CNNM2: variants seen among roughly 807,000 people sequenced by gnomAD.
CNNM2 encodes metal transporter CNNM2.
In CNNM2, 12 loss-of-function variants were observed where a neutral mutation model predicts 66.9. The observed-to-expected ratio is 0.18, with a 90% CI of 0.11 to 0.29. The LOEUF (loss-of-function observed/expected upper bound fraction) is 0.29, where lower values mean the gene tolerates loss of function less well. Among genes scored for constraint, CNNM2 ranks in the 10% least tolerant of loss-of-function variants. The probability of loss-of-function intolerance (pLI) is 1.00; values close to 1 mark genes in which losing one functional copy is unlikely to be tolerated. For synonymous variants in CNNM2, 557 were observed against 501.8 expected, an observed-to-expected ratio of 1.11 and a Z score of -1.47; for missense variants, 705 against 1,167.7, an observed-to-expected ratio of 0.60 and a Z score of 5.77.
intron 1 of CNNM2, among the ~76,000 whole-genome samples, chr10:103,035,754 T>C (rs987014418): frequency 2.6e-5 from 4 of 152,192 alleles, no homozygotes; most frequent in African/African-American, 9.7e-5. Context: ...ATTGTTTGTT[T>C]ATTGCCTGGA....
intron 1 of CNNM2, among the ~76,000 whole-genome samples, chr10:103,038,188 G>A (rs1383143374): frequency 1.3e-5 from 2 of 152,116 alleles, no homozygotes; most frequent in Non-Finnish European, 2.9e-5. Flanking sequence ...AAATGTTGAT[G>A]TCCTTGAGGG....
intron 1 of CNNM2, among the ~76,000 whole-genome samples, chr10:103,016,106 C>T (rs2064442206): frequency 6.6e-6 from 1 of 152,068 alleles, no homozygotes; most frequent in Admixed American, 6.5e-5. Flanking sequence ...CAAGATCTAG[C>T]CCCATCTAGA....
chr10:103,077,922 A>G lies in CNNM2; in HGVS notation c.*742A>G, dbSNP rs997352939. 2.0e-5 allele frequency: 3 copies of G among 152,690 alleles called. No homozygotes were observed. The highest frequency in any genetic ancestry group is 7.2e-5 in the African/African-American group (3 of 41,470). The allele number at this position is 152,690 out of a possible 1,614,324, so 9.5% of individuals were successfully genotyped here. On this transcript the variant is annotated 3_prime_UTR_variant, in exon 8 of 8. Coordinates refer to ENST00000369878, the MANE Select transcript of CNNM2 (RefSeq NM_017649.5). ...CCACCCTAAGGAATTTTTATCACCA[A>G]AATGAATGTTAATGAATTTAAAACC...
chr10:103,038,433 C>CT (rs1221305446), intron 1 of CNNM2, among the ~76,000 whole-genome samples: 1 of 152,156 alleles, frequency 6.6e-6, no homozygotes, highest in Non-Finnish European at 1.5e-5. Context: ...TGGTTTTAAA[C>CT]AAAGTCTTTT....
chr10:102,927,406 TC>T, intron 1 of CNNM2: 1 of 1,613,508 alleles, frequency 6.2e-7, no homozygotes, highest in Non-Finnish European at 8.5e-7. Context: ...TAAGAAGCAT[TC>T]TTTCTTTCAA....
chr10:103,065,488 T>C (rs534512669), intron 4 of CNNM2, among the ~76,000 whole-genome samples: 1 of 152,222 alleles, frequency 6.6e-6, no homozygotes, highest in Non-Finnish European at 1.5e-5. Flanking sequence ...GAAAAAAAGA[T>C]GTACAGTTTT....
chr10:103,068,860 T>C (rs1013637470), intron 5 of CNNM2, 138 bp downstream of exon 5: 3 of 638,412 alleles, frequency 4.7e-6, no homozygotes, highest in Non-Finnish European at 8.2e-6. Flanking sequence ...GTATATCATA[T>C]ATGCAGAAAA....
chr10:102,918,830 G>T lies in CNNM2; in HGVS notation c.350G>T (p.Arg117Leu). ...AACATCAATAACGAGACGTGGTCCC[G>T]CATCGCCTTCACCGAGCACGAGCGG... is the stretch of plus-strand genomic sequence containing the variant. ...GQNINNETWSRIAFTEHERRR... is the reference protein window; with the variant it reads ...GQNINNETWSLIAFTEHERRR... Residue 117 changes from arginine (R) to leucine (L), a missense_variant, in exon 1 of 8, where the codon CGC becomes CTC. By Grantham distance (102) the Arg-to-Leu change is moderately radical (BLOSUM62 -2). This residue lies in a region of CNNM2 where 15 missense variants were observed against 58.1 expected (regional missense o/e 0.26). Transcript: ENST00000369878. The surrounding 1 kb of genome is among the most constrained non-coding windows in gnomAD (Gnocchi z 4.1). The T allele has an allele frequency of 6.3e-7, 1 of 1,591,056 alleles. No individual in the cohort carries two copies. The highest frequency in any genetic ancestry group is 8.6e-7 in the Non-Finnish European group (1 of 1,169,048).
intron 1 of CNNM2, chr10:102,921,012 A>G (rs1845613307): frequency 1.2e-6 from 1 of 858,662 alleles, no homozygotes; most frequent in Non-Finnish European, 1.4e-6. Flanking sequence ...CACCTTGATC[A>G]TCCGATACAT....
chr10:102,960,695 C>T (rs2134203208), intron 1 of CNNM2, among the ~76,000 whole-genome samples: 1 of 151,610 alleles, frequency 6.6e-6, no homozygotes, highest in East Asian at 1.9e-4. Flanking sequence ...TCATGGCTCA[C>T]TGTGGCCTTG....
At position 102,947,375 on chromosome 10, in the gene CNNM2, T is replaced by C. The variant is rs191025215; in HGVS notation, c.1621+27274T>C. ...AGAAAGATGTATGCGTCTTCTAGTG[T>C]TTTTCATTGTGATGATGTTATATAT... On this transcript the variant is annotated intron_variant, in intron 1 of 7. Coordinates refer to ENST00000369878, the MANE Select transcript of CNNM2 (RefSeq NM_017649.5). 6.6e-5 allele frequency among the ~76,000 whole-genome samples: 10 copies of C among 152,302 alleles called. No individual in the cohort carries two copies. In the East Asian group the frequency reaches 1.9e-3, roughly 29 times the overall value.
chr10:103,016,718 G>T (rs10509764), intron 1 of CNNM2, among the ~76,000 whole-genome samples: 1 of 151,974 alleles, frequency 6.6e-6, no homozygotes, highest in Non-Finnish European at 1.5e-5. Flanking sequence ...TAATCATTCA[G>T]TGCCTACTTG....
At chr10:103,020,959 G>A (rs1198985667) in intron 1 of CNNM2, among the ~76,000 whole-genome samples, 1 of 152,176 alleles carries the variant, frequency 6.6e-6, no homozygotes, top group Non-Finnish European at 1.5e-5. Flanking sequence ...GGTCAATGGA[G>A]TGATCATAGA....
intron 1 of CNNM2, among the ~76,000 whole-genome samples, chr10:102,941,819 C>T (rs1205106535): frequency 3.3e-5 from 5 of 152,248 alleles, no homozygotes; most frequent in Admixed American, 6.5e-5. Context: ...CCTACTAGAA[C>T]GTAAGCTCCA....
chr10:103,054,537 G>A lies in CNNM2; in HGVS notation c.1903+71G>A. 6.7e-7 allele frequency: 1 copy of A among 1,500,162 alleles called. No homozygotes were observed. The highest frequency in any genetic ancestry group is 1.2e-5 in the South Asian group (1 of 82,976). 92.9% of individuals were successfully genotyped at this position (1,500,162 alleles called of 1,614,324 possible). ...CGTGTTTCTCACCCACCACTGACTG[G>A]GGTGGGTTGGGGGTGGACACTGGGA... On this transcript the variant is annotated intron_variant, in intron 3 of 7. Transcript: ENST00000369878. This position sits in a 1 kb window ranked among gnomAD's most constrained non-coding sequence, Gnocchi z 5.2.
At chr10:102,998,724 T>A (rs1005911260) in intron 1 of CNNM2, among the ~76,000 whole-genome samples, 9 of 152,052 alleles carry the variant, frequency 5.9e-5, no homozygotes, top group African/African-American at 2.2e-4. Context: ...ACGCCTGTAA[T>A]CCCAGCTCTT....
At chr10:103,005,021 T>A (rs1192370835) in intron 1 of CNNM2, among the ~76,000 whole-genome samples, 1 of 152,120 alleles carries the variant, frequency 6.6e-6, no homozygotes, top group Non-Finnish European at 1.5e-5. Flanking sequence ...AAAGTGATTC[T>A]CCTTCCTCAG....
intron 1 of CNNM2, among the ~76,000 whole-genome samples, chr10:103,034,987 A>AAAAAAAAAAAAAAAAAAAAAAAAAC (rs1554902000): frequency 6.8e-6 from 1 of 147,610 alleles, no homozygotes; most frequent in Non-Finnish European, 1.5e-5. Context: ...AAAAAAAAAA[A>AAAAAAAAAAAAAAAAAAAAAAAAAC]AAATCTCCTA....
At chr10:102,952,192 T>C (rs1170229909) in intron 1 of CNNM2, among the ~76,000 whole-genome samples, 2 of 151,926 alleles carry the variant, frequency 1.3e-5, no homozygotes, top group East Asian at 3.9e-4. Flanking sequence ...CGTCCTGCCT[T>C]GGCCTCCCAA....
Sources: gnomAD v4.1 joint callset for allele counts (sites outside exome capture counted in the v4.1 genomes callset) on GRCh38, gnomAD v4.1.1 for gene constraint, gnomAD v4.1.1 regional missense constraint, Gnocchi (gnomAD v3.1) non-coding constraint, MANE v1.5 for transcripts, NCBI Gene and HGNC (gene_info 2026-07-23, HGNC 2026-07-21) for gene names.